Variants in LRIF1 observed in about 807,000 individuals in gnomAD.
LRIF1 encodes the protein ligand dependent nuclear receptor interacting factor 1, also known as ligand-dependent nuclear receptor-interacting factor 1.
A neutral mutation model predicts 52.7 loss-of-function variants in LRIF1; 32 were observed. That is an observed-to-expected ratio of 0.61 (90% CI 0.46 to 0.82). The LOEUF is 0.82. Ranked by LOEUF, LRIF1 falls within the 40% of genes least tolerant of loss-of-function variation. LRIF1 has a pLI of 0.00. For missense variants in LRIF1, 887 were observed against 892.0 expected, an observed-to-expected ratio of 0.99 and a Z score of 0.07; for synonymous variants, 323 against 317.4, an observed-to-expected ratio of 1.02 and a Z score of -0.19.
chr1:110,920,600 C>G, the LRIF1 span, among the ~76,000 whole-genome samples: 1 of 152,052 alleles, frequency 6.6e-6, no homozygotes, highest in Admixed American at 6.6e-5. Flanking sequence ...TATAATACTA[C>G]AATGGTAGAT....
chr1:110,891,741 T>C, the LRIF1 span, among the ~76,000 whole-genome samples: 1 of 152,218 alleles, frequency 6.6e-6, no homozygotes, highest in African/African-American at 2.4e-5. Flanking sequence ...AGCTAACATA[T>C]ATAGGTGAGA....
chr1:110,932,225 A>G, the LRIF1 span, among the ~76,000 whole-genome samples: 1 of 152,156 alleles, frequency 6.6e-6, no homozygotes, highest in African/African-American at 2.4e-5. Flanking sequence ...TCCCAGCACC[A>G]TTTATTAAAT....
the LRIF1 span, chr1:110,891,544 G>C: frequency 1.7e-6 from 2 of 1,164,820 alleles, no homozygotes; most frequent in Non-Finnish European, 2.6e-6. Context: ...CTCTACTGAA[G>C]AGGCTGGTGT....
the LRIF1 span, among the ~76,000 whole-genome samples, chr1:110,920,572 G>A: frequency 6.6e-6 from 1 of 152,092 alleles, no homozygotes; most frequent in African/African-American, 2.4e-5. Context: ...GATTTTTTAT[G>A]GCAGTGAGAT....
chr1:110,959,622 C>G (rs1295874079), intron 1 of LRIF1, among the ~76,000 whole-genome samples: 1 of 151,018 alleles, frequency 6.6e-6, no homozygotes, highest in Admixed American at 6.6e-5. Context: ...TGGTGGCACA[C>G]GCCTGTAGTC....
At chr1:110,890,102 C>G in the LRIF1 span, among the ~76,000 whole-genome samples, 1 of 152,234 alleles carries the variant, frequency 6.6e-6, no homozygotes, top group South Asian at 2.1e-4. Context: ...TTCCCAGGTA[C>G]CTTGAAACTG....
At chr1:110,900,900 C>G in the LRIF1 span, among the ~76,000 whole-genome samples, 7 of 151,970 alleles carry the variant, frequency 4.6e-5, no homozygotes, top group African/African-American at 1.7e-4. Flanking sequence ...TGTCTATAAG[C>G]TAAATTTAAT....
chr1:110,943,435 AAAAT>A (rs1658134889), downstream of LRIF1: 1 of 152,190 alleles, frequency 6.6e-6, no homozygotes, highest in Admixed American at 6.5e-5. Context: ...AAGGAGCAGA[AAAAT>A]AAAAAAGGAG....
the LRIF1 span, among the ~76,000 whole-genome samples, chr1:110,878,469 GC>G: frequency 6.6e-6 from 1 of 152,178 alleles, no homozygotes; most frequent in African/African-American, 2.4e-5. Flanking sequence ...AAAGACGTTT[GC>G]CAAAATGCTA....
the LRIF1 span, chr1:110,941,237 T>G: frequency 1.3e-5 from 2 of 152,088 alleles, no homozygotes; most frequent in Non-Finnish European, 2.9e-5. Flanking sequence ...AGTTAGGAAA[T>G]GTATAAATGT....
chr1:110,896,679 G>C, the LRIF1 span: 1 of 1,613,564 alleles, frequency 6.2e-7, no homozygotes, highest in South Asian at 1.1e-5. Context: ...TAAATGGCAC[G>C]AGTGATTGGA....
At chr1:110,892,382 T>G in the LRIF1 span, 2 of 1,614,062 alleles carry the variant, frequency 1.2e-6, no homozygotes, top group Non-Finnish European at 1.7e-6. Context: ...GGGATCTACC[T>G]GCTGATCCAC....
At chr1:110,889,698 G>A in the LRIF1 span, among the ~76,000 whole-genome samples, 3 of 152,110 alleles carry the variant, frequency 2.0e-5, no homozygotes, top group African/African-American at 7.2e-5. Flanking sequence ...GATAAGTGTT[G>A]GCCCGTTTTA....
intron 1 of LRIF1, 49 bp from the exon 2 acceptor site, chr1:110,952,864 C>T (rs780710422): frequency 3.2e-6 from 3 of 945,792 alleles, no homozygotes; most frequent in Non-Finnish European, 4.3e-6. Context: ...ATGGTATATA[C>T]ATTTTATTTA....
At chr1:110,958,004 A>C (rs1289092324) in intron 1 of LRIF1, among the ~76,000 whole-genome samples, 1 of 152,132 alleles carries the variant, frequency 6.6e-6, no homozygotes, top group East Asian at 1.9e-4. Flanking sequence ...TATTTTGCTG[A>C]TGTTGTTTTT....
chr1:110,903,853 T>C, the LRIF1 span, among the ~76,000 whole-genome samples: 1 of 152,162 alleles, frequency 6.6e-6, no homozygotes, highest in East Asian at 1.9e-4. Flanking sequence ...GACTCAACTC[T>C]TGAACGGCAT....
At chr1:110,945,576 C>T (rs1026759613), downstream of LRIF1, among the ~76,000 whole-genome samples, 5 of 152,146 alleles carry the variant, frequency 3.3e-5, no homozygotes, top group African/African-American at 1.2e-4. Flanking sequence ...CAGGCATGCA[C>T]AACCATGCCC....
chr1:110,879,768 A>G, the LRIF1 span, among the ~76,000 whole-genome samples: 1 of 151,980 alleles, frequency 6.6e-6, no homozygotes, highest in African/African-American at 2.4e-5. Context: ...GGGTCTCTCT[A>G]TGTTGTTCAG....
the LRIF1 span, among the ~76,000 whole-genome samples, chr1:110,911,197 C>A: frequency 1.3e-5 from 2 of 151,598 alleles, no homozygotes; most frequent in South Asian, 2.1e-4. Context: ...AAAAAAAAAA[C>A]CTGGAGACTA....
Sources: allele counts gnomAD v4.1 joint callset (sites outside exome capture counted in the v4.1 genomes callset), GRCh38; gene constraint gnomAD v4.1.1; transcripts MANE v1.5; gene names NCBI Gene and HGNC (gene_info 2026-07-23, HGNC 2026-07-21).